The following CEP126 variants were observed in gnomAD, a reference collection of about 807,000 sequenced individuals.
CEP126 encodes centrosomal protein 126.
CEP126 carries 74 observed loss-of-function variants against 107.8 expected under a neutral mutation model. That is an observed-to-expected ratio of 0.69 (90% CI 0.57 to 0.83). The LOEUF (loss-of-function observed/expected upper bound fraction) is 0.83, where lower values mean the gene tolerates loss of function less well. Ranked by LOEUF, CEP126 falls within the 40% of genes least tolerant of loss-of-function variation. CEP126 has a pLI of 0.00. For synonymous variants in CEP126, 449 were observed against 446.0 expected, an observed-to-expected ratio of 1.01 and a Z score of -0.08; for missense variants, 1,237 against 1,281.9, an observed-to-expected ratio of 0.96 and a Z score of 0.53.
chr11:101,950,909 C>T (rs1194891842), intron 4 of CEP126, among the ~76,000 whole-genome samples: 5 of 152,118 alleles, frequency 3.3e-5, no homozygotes, highest in African/African-American at 7.2e-5. Flanking sequence ...TGATAGCATC[C>T]TCTTTCTTAT....
At chr11:101,995,559 C>A (rs974773100) in intron 10 of CEP126, among the ~76,000 whole-genome samples, 1 of 152,184 alleles carries the variant, frequency 6.6e-6, no homozygotes, top group African/African-American at 2.4e-5. Flanking sequence ...GGTCCCCTGT[C>A]CTTTGTCCAT....
intron 6 of CEP126, among the ~76,000 whole-genome samples, chr11:101,974,163 A>C (rs1277169180): frequency 6.6e-6 from 1 of 151,860 alleles, no homozygotes; most frequent in Non-Finnish European, 1.5e-5. Flanking sequence ...CACAAAGCAA[A>C]AAAGGTTTAC....
intron 10 of CEP126, among the ~76,000 whole-genome samples, chr11:101,996,528 T>C (rs186893330): frequency 2.2e-4 from 34 of 152,338 alleles, no homozygotes; most frequent in Admixed American, 1.0e-3. Context: ...ATAATTCTTA[T>C]AATGGCTTTG....
At chr11:101,951,519 A>AAAGGAG (rs767774566) in intron 4 of CEP126, among the ~76,000 whole-genome samples, 11 of 152,076 alleles carry the variant, frequency 7.2e-5, no homozygotes, top group Non-Finnish European at 1.6e-4. Context: ...CTCAAAAGAA[A>AAAGGAG]AAGGAGAAGG....
chr11:101,962,224 T>A lies in CEP126; in HGVS notation c.1189T>A (p.Ser397Thr). ...SETSTMRTTD[S>T]TSGAFKRERP... ...AACTAGCACTATGAGGACAACTGAC[T>A]CCACTTCTGGAGCATTCAAAAGAGA... The change falls in exon 6 of 11, where the codon TCC (serine) becomes ACC (threonine). Residue 397 changes from serine to threonine, a missense_variant. Ser to Thr is a moderately conservative substitution (Grantham distance 58). Around this residue, in one of 3 missense-constraint regions of CEP126, gnomAD observed 1,134 missense variants for 1,150.5 expected, o/e 0.99. Transcript: ENST00000263468. 1.2e-6 allele frequency: 2 copies of A among 1,613,932 alleles called. No individual in the cohort carries two copies. The highest frequency in any genetic ancestry group is 1.7e-6 in the Non-Finnish European group (2 of 1,179,858).
At chr11:101,972,966 T>A (rs1941151045) in intron 6 of CEP126, among the ~76,000 whole-genome samples, 1 of 152,228 alleles carries the variant, frequency 6.6e-6, no homozygotes, top group Non-Finnish European at 1.5e-5. Context: ...CAACTTTGTT[T>A]TTTAGATTGA....
At chr11:101,996,049 G>T (rs12293037) in intron 10 of CEP126, among the ~76,000 whole-genome samples, 1,943 of 152,316 alleles carry the variant, frequency 0.013, 41 homozygotes, top group African/African-American at 0.044. Context: ...ATCATGGTTA[G>T]TCAGTGATGG....
Position 101,915,239 on chromosome 11 carries a change from G to A in CEP126, c.-46G>A. The stretch of plus-strand genomic sequence containing the variant: ...AGGAGGAGGAAGCCGGAGCTGCCAT[G>A]AGGGAGGTTCTGGGGGCGAGCAGAC... On this transcript the variant is annotated 5_prime_UTR_variant, in exon 1 of 11. An upstream start codon of the reference 5' UTR is lost. Transcript: ENST00000263468. 1 of 1,609,492 alleles carries A rather than the reference G, an allele frequency of 6.2e-7. No homozygotes were observed. The highest frequency in any genetic ancestry group is 8.5e-7 in the Non-Finnish European group (1 of 1,177,856).
chr11:101,963,379 C>T lies in CEP126; in HGVS notation c.2344C>T (p.Gln782Ter). The change falls in exon 6 of 11, where the codon CAG (glutamine) becomes TAG (stop). Residue 782 changes from glutamine to a stop codon, truncating the protein, a stop_gained. Transcript: ENST00000263468. LOFTEE classifies it high-confidence loss of function. ...TNRKGAVIQP[Q>*]SASKVNIFTQ... ...CAGAAAAGGCGCTGTCATTCAACCA[C>T]AGTCTGCAAGCAAAGTCAACATATT... is the stretch of plus-strand genomic sequence containing the variant. 6.2e-7 allele frequency: 1 copy of T among 1,614,132 alleles called. No homozygotes were observed. The highest frequency in any genetic ancestry group is 8.5e-7 in the Non-Finnish European group (1 of 1,180,028).
chr11:101,958,270 C>T lies in CEP126; in HGVS notation c.609C>T (p.Asn203=). The T allele has an allele frequency of 6.2e-7, 1 of 1,613,978 alleles. No individual in the cohort carries two copies. Residue 203 remains asparagine (N), a synonymous_variant, in exon 5 of 11, where the codon AAC becomes AAT. Transcript: ENST00000263468. ...KINCEKEMNE[N]MRATLATSKN... ...ATTGTGAGAAAGAAATGAATGAAAA[C>T]ATGAGGGCAACCTTGGCTACTAGCA...
chr11:101,970,532 T>C (rs1027970395), intron 6 of CEP126, among the ~76,000 whole-genome samples: 5 of 152,130 alleles, frequency 3.3e-5, no homozygotes, highest in African/African-American at 1.2e-4. Flanking sequence ...CACTTTTCTA[T>C]ACATAGATTC....
At chr11:101,931,987 A>G (rs1940507474) in intron 2 of CEP126, among the ~76,000 whole-genome samples, 1 of 152,228 alleles carries the variant, frequency 6.6e-6, no homozygotes, top group African/African-American at 2.4e-5. Context: ...AGAGCTGCAT[A>G]TGTTAAACAG....
intron 2 of CEP126, among the ~76,000 whole-genome samples, chr11:101,934,346 C>T (rs896272942): frequency 2.0e-5 from 3 of 151,970 alleles, no homozygotes; most frequent in Admixed American, 1.3e-4. Flanking sequence ...TGGCACATCA[C>T]CTCAACTATT....
intron 2 of CEP126, among the ~76,000 whole-genome samples, chr11:101,932,023 C>G (rs1940507927): frequency 6.6e-6 from 1 of 152,216 alleles, no homozygotes; most frequent in Admixed American, 6.5e-5. Flanking sequence ...CTAAGGCAGA[C>G]TGTGTTTCTT....
At chr11:101,986,777 G>C in intron 8 of CEP126, 55 bp from the exon 9 acceptor site, 1 of 1,296,262 alleles carries the variant, frequency 7.7e-7, no homozygotes. Flanking sequence ...TATATATAAG[G>C]GCTGATCTCA....
Position 101,952,995 on chromosome 11 carries a change from G to GT in CEP126, c.506+4858dup, listed in dbSNP as rs1940832302. Among the ~76,000 whole-genome samples the GT allele has an allele frequency of 2.0e-5, 3 of 152,292 alleles. No homozygotes were observed. In the South Asian group the frequency reaches 6.2e-4, roughly 32 times the overall value. On this transcript the variant is annotated intron_variant, in intron 4 of 10. Transcript: ENST00000263468. ...AGGCCACAAGACAGTTGAGGGGCTA[G>GT]TTTTTGCTATGTTTCTACCCTCTAC...
chr11:101,931,854 A>T (rs893161851), intron 2 of CEP126, among the ~76,000 whole-genome samples: 1 of 152,192 alleles, frequency 6.6e-6, no homozygotes, highest in African/African-American at 2.4e-5. Context: ...AGCATTTCCA[A>T]CAGAGGAAAA....
intron 6 of CEP126, among the ~76,000 whole-genome samples, chr11:101,970,008 A>T (rs1941107054): frequency 6.6e-6 from 1 of 152,204 alleles, no homozygotes; most frequent in Non-Finnish European, 1.5e-5. Context: ...TTTAGGATGG[A>T]CAGCAATTTC....
intron 2 of CEP126, among the ~76,000 whole-genome samples, chr11:101,934,989 A>G (rs1283406513): frequency 6.6e-6 from 1 of 152,108 alleles, no homozygotes; most frequent in Non-Finnish European, 1.5e-5. Context: ...GTTTTCCAAA[A>G]GGGCTGACCT....
Sources: allele counts gnomAD v4.1 joint callset (sites outside exome capture counted in the v4.1 genomes callset), GRCh38; gene constraint gnomAD v4.1.1; regional missense constraint gnomAD v4.1.1; transcripts MANE v1.5; gene names NCBI Gene and HGNC (gene_info 2026-07-23, HGNC 2026-07-21).